The following MLLT1 variants were observed in gnomAD, a reference collection of about 807,000 sequenced individuals.
MLLT1 encodes the protein MLLT1 super elongation complex subunit.
A neutral mutation model predicts 55.1 loss-of-function variants in MLLT1; 11 were observed. The observed-to-expected ratio is 0.20, with a 90% CI of 0.13 to 0.33. The LOEUF (loss-of-function observed/expected upper bound fraction) is 0.33, where lower values mean the gene tolerates loss of function less well. Among genes scored for constraint, MLLT1 ranks in the 10% least tolerant of loss-of-function variants. The probability of loss-of-function intolerance (pLI) is 1.00; values close to 1 mark genes in which losing one functional copy is unlikely to be tolerated. For synonymous variants in MLLT1, 323 were observed against 320.1 expected, an observed-to-expected ratio of 1.01 and a Z score of -0.10; for missense variants, 536 against 760.6, an observed-to-expected ratio of 0.70 and a Z score of 3.47.
chr19:6,277,488 T>G (rs2091433735), intron 1 of MLLT1, among the ~76,000 whole-genome samples: 1 of 152,118 alleles, frequency 6.6e-6, no homozygotes, highest in African/African-American at 2.4e-5. Context: ...AAGTTGTCAT[T>G]CGAGTTAGTT....
Position 6,230,777 on chromosome 19 carries a change from C to A in MLLT1, c.277-64G>T. The A allele has an allele frequency of 6.3e-7, 1 of 1,589,308 alleles. No individual in the cohort carries two copies. The highest frequency in any genetic ancestry group is 8.6e-7 in the Non-Finnish European group (1 of 1,163,736). On this transcript the variant is annotated intron_variant, in intron 3 of 11. Coordinates refer to ENST00000252674, the MANE Select transcript of MLLT1 (RefSeq NM_005934.4). The surrounding 1 kb of genome is among the most constrained non-coding windows in gnomAD (Gnocchi z 9.0). ...GGCCGTGGTGCAGGGACACAGCTCC[C>A]CATTGGCCCTGGTCCTCCCCTCTCC...
In MLLT1 at chr19:6,240,868, A is replaced by G. The variant is rs112206808; in HGVS notation, c.277-10155T>C. Among the ~76,000 whole-genome samples the G allele has an allele frequency of 1.9e-4, 29 of 152,314 alleles. 1 individual carries two copies. The highest frequency in any genetic ancestry group is 7.0e-4 in the African/African-American group (29 of 41,550). ...TAGAAACCAAAAGGAGGAGGCAGAA[A>G]TGCAGACACCACATTTTAAAATGCT... On this transcript the variant is annotated intron_variant, in intron 3 of 11. Transcript: ENST00000252674. The surrounding 1 kb of genome is among the most constrained non-coding windows in gnomAD (Gnocchi z 4.7).
chr19:6,258,020 C>T lies in MLLT1; in HGVS notation c.276+4208G>A, dbSNP rs553857599. ...GCTGAGGATCTGGAGAAACAGGAAC[C>T]CTCACACATTGCTGGTGGACCTATG... On this transcript the variant is annotated intron_variant, in intron 3 of 11. Transcript: ENST00000252674. 2.0e-5 allele frequency among the ~76,000 whole-genome samples: 3 copies of T among 152,202 alleles called. No homozygotes were observed. In the South Asian group the frequency reaches 6.2e-4, roughly 32 times the overall value.
chr19:6,252,739 G>A (rs2091227397), intron 3 of MLLT1, among the ~76,000 whole-genome samples: 1 of 151,968 alleles, frequency 6.6e-6, no homozygotes, highest in African/African-American at 2.4e-5. Context: ...CGCAATAAAA[G>A]GCATAGAGTG....
intron 1 of MLLT1, among the ~76,000 whole-genome samples, chr19:6,279,364 C>A (rs2091444756): frequency 6.6e-6 from 1 of 152,056 alleles, no homozygotes; most frequent in African/African-American, 2.4e-5. Flanking sequence ...GGGCCCAGAT[C>A]CCAGGAAGTG....
chr19:6,274,964 G>A (rs923742342), intron 1 of MLLT1, among the ~76,000 whole-genome samples: 1 of 152,238 alleles, frequency 6.6e-6, no homozygotes, highest in African/African-American at 2.4e-5. Flanking sequence ...AGCCTCTCGA[G>A]GGCAGCTTCC....
chr19:6,241,961 G>A (rs73555994), intron 3 of MLLT1, among the ~76,000 whole-genome samples: 2,075 of 152,328 alleles, frequency 0.014, 60 homozygotes, highest in African/African-American at 0.045. Flanking sequence ...GGGCTCACCA[G>A]AGGGGCTGCC....
intron 3 of MLLT1, among the ~76,000 whole-genome samples, chr19:6,255,243 A>G (rs2091248539): frequency 6.6e-6 from 1 of 152,238 alleles, no homozygotes; most frequent in South Asian, 2.1e-4. Flanking sequence ...CTGTAATCCC[A>G]GCACTTTGGG....
rs544159021 is a variant in MLLT1, at chr19:6,216,467, G to C, written c.1245C>G (p.Asp415Glu). 1 of 1,608,540 alleles carries C rather than the reference G, an allele frequency of 6.2e-7. No homozygotes were observed. Among genetic ancestry groups the C allele is most frequent in the East Asian group, 2.2e-5 (1 of 44,742 alleles). Residue 415 changes from aspartate (D) to glutamate (E), a missense_variant, in exon 8 of 12, where the codon GAC becomes GAG. Transcript: ENST00000252674. ...CCTCGCCTGACGAAGAGTCGTCCTC[G>C]TCGGACTCCTCGGACTGCAGGTCCT... Reference protein sequence around the residue: ...MVEDLQSEESDEDDSSSGEEA... With the variant: ...MVEDLQSEESEEDDSSSGEEA...
At chr19:6,277,327 T>C (rs1473895730) in intron 1 of MLLT1, among the ~76,000 whole-genome samples, 1 of 152,166 alleles carries the variant, frequency 6.6e-6, no homozygotes, top group African/African-American at 2.4e-5. Flanking sequence ...TTGCAAACAC[T>C]TCTGCAAGGA....
At position 6,230,269 on chromosome 19, in the gene MLLT1, C is replaced by A. The variant is rs1323823382; in HGVS notation, c.420+301G>T. 1.3e-5 allele frequency among the ~76,000 whole-genome samples: 2 copies of A among 152,232 alleles called. No homozygotes were observed. The highest frequency in any genetic ancestry group is 1.3e-4 in the Admixed American group (2 of 15,286). ...GCTAGTTACAAGCCAGCTCCAGGCC[C>A]AGCCACGCGGTCAGACCAGCCTCGC... On this transcript the variant is annotated intron_variant, in intron 4 of 11. Transcript: ENST00000252674. The surrounding 1 kb of genome is among the most constrained non-coding windows in gnomAD (Gnocchi z 9.0).
At chr19:6,223,423 C>T (rs2090923911) in intron 5 of MLLT1, among the ~76,000 whole-genome samples, 1 of 152,186 alleles carries the variant, frequency 6.6e-6, no homozygotes, top group Admixed American at 6.5e-5. Context: ...TGGAGCTGGA[C>T]TCGGGGGCTG....
rs532361617 is a variant in MLLT1 at position 6,273,833 on chromosome 19, C to T, written c.13-3074G>A. ...CTGACCCGGCCACTCAGACCTCGGC[C>T]GACTTCCCGGCATTTCTGATGACAG... On this transcript the variant is annotated intron_variant, in intron 1 of 11. Coordinates refer to ENST00000252674, the MANE Select transcript of MLLT1 (RefSeq NM_005934.4). This position sits in a 1 kb window ranked among gnomAD's most constrained non-coding sequence, Gnocchi z 4.3. Among the ~76,000 whole-genome samples the T allele has an allele frequency of 3.9e-5, 6 of 152,344 alleles. No individual in the cohort carries two copies. The highest frequency in any genetic ancestry group is 1.9e-4 in the East Asian group (1 of 5,188).
intron 5 of MLLT1, among the ~76,000 whole-genome samples, chr19:6,224,528 C>G (rs2090934962): frequency 6.6e-6 from 1 of 152,226 alleles, no homozygotes; most frequent in Non-Finnish European, 1.5e-5. Context: ...GTCACAGCCA[C>G]CAAGGGCAGA....
rs1465889732 is a variant in MLLT1 at position 6,226,438 on chromosome 19, C to T, written c.546+539G>A. On this transcript the variant is annotated intron_variant, in intron 5 of 11. Coordinates refer to ENST00000252674, the MANE Select transcript of MLLT1 (RefSeq NM_005934.4). This position sits in a 1 kb window ranked among gnomAD's most constrained non-coding sequence, Gnocchi z 6.3. ...GTGCCACCCACCTGACCGACTGGGC[C>T]GAGATGAGACCGTAAAAAGTTTCTT... Among the ~76,000 whole-genome samples the T allele has an allele frequency of 6.6e-6, 1 of 152,176 alleles. No homozygotes were observed. The highest frequency in any genetic ancestry group is 1.5e-5 in the Non-Finnish European group (1 of 68,030).
In MLLT1 at chr19:6,230,931, G is replaced by A. The variant is rs1281550777; in HGVS notation, c.277-218C>T. ...CTAACTGGGTCTTGCAGGCCCCATGGCAGAAAGAAAGCTCATTCATAGCCA... is the reference window on the plus strand; with the variant it reads ...CTAACTGGGTCTTGCAGGCCCCATGACAGAAAGAAAGCTCATTCATAGCCA... On this transcript the variant is annotated intron_variant, in intron 3 of 11. Coordinates refer to ENST00000252674, the MANE Select transcript of MLLT1 (RefSeq NM_005934.4). This position sits in a 1 kb window ranked among gnomAD's most constrained non-coding sequence, Gnocchi z 9.0. Among the ~76,000 whole-genome samples, 1 of 152,158 alleles carries A rather than the reference G, an allele frequency of 6.6e-6. No individual in the cohort carries two copies. The highest frequency in any genetic ancestry group is 1.5e-5 in the Non-Finnish European group (1 of 68,030).
At chr19:6,278,926 A>G (rs1439153585) in intron 1 of MLLT1, among the ~76,000 whole-genome samples, 1 of 152,152 alleles carries the variant, frequency 6.6e-6, no homozygotes, top group Admixed American at 6.5e-5. Context: ...GCAAGTACAA[A>G]GAGAGGGGAC....
In MLLT1 at chr19:6,214,053, G is replaced by A. The variant is rs766144599; in HGVS notation, c.1308-15C>T. 10 of 1,410,732 alleles carry A rather than the reference G, an allele frequency of 7.1e-6. No individual in the cohort carries two copies. In the Admixed American group the frequency reaches 1.5e-4, roughly 22 times the overall value. 87.4% of individuals were successfully genotyped at this position (1,410,732 alleles called of 1,614,324 possible). On this transcript the variant is annotated splice_polypyrimidine_tract_variant and intron_variant, in intron 8 of 11. Coordinates refer to ENST00000252674, the MANE Select transcript of MLLT1 (RefSeq NM_005934.4). ...TGAAGCTCAACCTGAACCGACACAC[G>A]GGGGCGCATCAGGCCCCTGCCGCCA...
Position 6,212,080 on chromosome 19 carries a change from G to T in MLLT1, c.*962C>A, listed in dbSNP as rs2090778711. 9.4e-7 allele frequency: 1 copy of T among 1,066,186 alleles called. No homozygotes were observed. The highest frequency in any genetic ancestry group is 5.0e-5 in the East Asian group (1 of 20,160). The allele number at this position is 1,066,186 out of a possible 1,614,324, so 66.0% of individuals were successfully genotyped here. A position where few individuals can be genotyped will look rare whatever the true frequency, so the allele number is the denominator to read the frequency against. On this transcript the variant is annotated 3_prime_UTR_variant, in exon 12 of 12. Transcript: ENST00000252674. ...AAAGCTCATATTTTTTTCAAAGTTTGAAGACTTGAATGAAAGAGAGGAAGA... is the reference window on the plus strand; with the variant it reads ...AAAGCTCATATTTTTTTCAAAGTTTTAAGACTTGAATGAAAGAGAGGAAGA...
Sources: gnomAD v4.1 joint callset for allele counts (sites outside exome capture counted in the v4.1 genomes callset) on GRCh38, gnomAD v4.1.1 for gene constraint, Gnocchi (gnomAD v3.1) non-coding constraint, MANE v1.5 for transcripts, NCBI Gene and HGNC (gene_info 2026-07-23, HGNC 2026-07-21) for gene names.